LRRC56: variants seen among roughly 807,000 people sequenced by gnomAD.
The protein encoded by LRRC56 is leucine rich repeat containing 56.
A neutral mutation model predicts 47.8 loss-of-function variants in LRRC56; 41 were observed. That is an observed-to-expected ratio of 0.86 (90% CI 0.67 to 1.11). LRRC56 has a LOEUF of 1.11. Among genes scored for constraint, LRRC56 ranks in the 50% most tolerant of loss-of-function variants. The pLI, the probability that LRRC56 is intolerant of heterozygous loss-of-function variation, is 0.00. For missense variants in LRRC56, 759 were observed against 704.2 expected, an observed-to-expected ratio of 1.08 and a Z score of -0.88; for synonymous variants, 387 against 311.2, an observed-to-expected ratio of 1.24 and a Z score of -2.56.
intron 6 of LRRC56, among the ~76,000 whole-genome samples, chr11:548,262 C>G (rs1852188833): frequency 6.6e-6 from 1 of 152,172 alleles, no homozygotes; most frequent in Non-Finnish European, 1.5e-5. Context: ...AAAGTTGGAG[C>G]AGCCAAGAAA....
At chr11:527,077 A>G in the LRRC56 span, among the ~76,000 whole-genome samples, 2 of 152,140 alleles carry the variant, frequency 1.3e-5, no homozygotes, top group Admixed American at 1.3e-4. Flanking sequence ...CGAGGCGGGC[A>G]GATCATGAGG....
chr11:518,541 T>G, the LRRC56 span, among the ~76,000 whole-genome samples: 2 of 151,956 alleles, frequency 1.3e-5, no homozygotes, highest in Non-Finnish European at 2.9e-5. Flanking sequence ...GCCAGGCTGG[T>G]CTCCAACTCC....
the LRRC56 span, among the ~76,000 whole-genome samples, chr11:513,843 A>G: frequency 2.6e-5 from 4 of 151,298 alleles, no homozygotes; most frequent in African/African-American, 9.7e-5. Context: ...AAAAAGGAAG[A>G]AATTGCCACA....
At position 544,712 on chromosome 11, in the gene LRRC56, C is replaced by T. The variant is rs1241378162; in HGVS notation, c.266-8C>T. 6.2e-7 allele frequency: 1 copy of T among 1,612,598 alleles called. No homozygotes were observed. Among genetic ancestry groups the T allele is most frequent in the Non-Finnish European group, 8.5e-7 (1 of 1,179,882 alleles). On this transcript the variant is annotated splice_region_variant and splice_polypyrimidine_tract_variant and intron_variant, in intron 5 of 13. Transcript: ENST00000270115. ...CCGGGCCAACCTCCTCCTCCTGTGG[C>T]CATACAGGGGTGCACCTGCCCAACC...
chr11:551,688 C>G lies in LRRC56; in HGVS notation c.834C>G (p.Pro278=). 1 of 1,604,800 alleles carries G rather than the reference C, an allele frequency of 6.2e-7. No homozygotes were observed. The highest frequency in any genetic ancestry group is 8.5e-7 in the Non-Finnish European group (1 of 1,175,758). ...GAGCCCCCATCCGGAGACTTGACCCCGAGCTGTCCCTGCCTGAGACGCAGT... is the reference window on the plus strand; with the variant it reads ...GAGCCCCCATCCGGAGACTTGACCCGGAGCTGTCCCTGCCTGAGACGCAGT... ...PRGAPIRRLD[P]ELSLPETQSR... is the part of the protein sequence containing the mutation. The change falls in exon 10 of 14, where the codon CCC becomes CCG. Residue 278 remains proline, a synonymous_variant. Coordinates refer to ENST00000270115, the MANE Select transcript of LRRC56 (RefSeq NM_198075.4).
the LRRC56 span, among the ~76,000 whole-genome samples, chr11:513,419 G>A: frequency 2.0e-5 from 3 of 152,206 alleles, no homozygotes; most frequent in Non-Finnish European, 2.9e-5. Context: ...TCAGTGTCCC[G>A]AGGTGCTGGG....
At chr11:522,517 C>T in the LRRC56 span, among the ~76,000 whole-genome samples, 7 of 152,034 alleles carry the variant, frequency 4.6e-5, no homozygotes, top group East Asian at 3.9e-4. Flanking sequence ...TCGCCCACCT[C>T]GGCCTCCCAA....
In LRRC56 at chr11:542,815, T is replaced by C. The variant is rs185146687; in HGVS notation, c.265+1191T>C. ...GGACATTCCCTTAAATGCAGTGCGA[T>C]GGCCAAAGTCAGGAATTACACCTGT... On this transcript the variant is annotated intron_variant, in intron 5 of 13. Transcript: ENST00000270115. 9.2e-5 allele frequency among the ~76,000 whole-genome samples: 14 copies of C among 152,186 alleles called. No homozygotes were observed. In the East Asian group the frequency reaches 1.9e-3, roughly 21 times the overall value.
chr11:520,412 C>T, the LRRC56 span, among the ~76,000 whole-genome samples: 2 of 152,068 alleles, frequency 1.3e-5, no homozygotes, highest in African/African-American at 4.8e-5. Context: ...CCTCCGCCTC[C>T]CGGGTTCCAG....
upstream of LRRC56, chr11:537,068 C>T (rs999391296): frequency 2.0e-5 from 3 of 152,278 alleles, no homozygotes; most frequent in African/African-American, 7.2e-5. Flanking sequence ...TCCCCCGGTG[C>T]TTCCTTTTGC....
chr11:521,741 C>T, the LRRC56 span, among the ~76,000 whole-genome samples: 4 of 152,120 alleles, frequency 2.6e-5, no homozygotes, highest in African/African-American at 7.2e-5. Flanking sequence ...GATGAAACCC[C>T]GTCTCTACTA....
At chr11:531,748 A>G in the LRRC56 span, among the ~76,000 whole-genome samples, 1 of 152,202 alleles carries the variant, frequency 6.6e-6, no homozygotes, top group Non-Finnish European at 1.5e-5. Context: ...TCGGTGCTGG[A>G]GCCCTACTTC....
upstream of LRRC56, chr11:533,790 G>C (rs755322824): frequency 4.3e-6 from 7 of 1,613,354 alleles, no homozygotes; most frequent in South Asian, 1.1e-5. Context: ...GTCCTCAAAA[G>C]ACTTGGTGTT....
At chr11:526,414 A>G in the LRRC56 span, among the ~76,000 whole-genome samples, 127 of 152,230 alleles carry the variant, frequency 8.3e-4, 1 homozygote, top group African/African-American at 2.9e-3. Flanking sequence ...CCGGCTGAGA[A>G]GGCAAGGGGC....
the LRRC56 span, among the ~76,000 whole-genome samples, chr11:510,566 C>G: frequency 4.9e-3 from 743 of 151,742 alleles, 9 homozygotes; most frequent in African/African-American, 0.017. Context: ...GGAGAAACCC[C>G]GTCTCTACTA....
intron 5 of LRRC56, 22 bp from the exon 6 acceptor site, chr11:544,695 ACCT>A (rs750854073): frequency 6.6e-5 from 106 of 1,611,444 alleles, no homozygotes; most frequent in Non-Finnish European, 7.7e-5. Flanking sequence ...GGCCGGGCCA[ACCT>A]CCTCCTCCTG....
the LRRC56 span, among the ~76,000 whole-genome samples, chr11:521,220 C>T: frequency 6.6e-6 from 1 of 152,222 alleles, no homozygotes; most frequent in South Asian, 2.1e-4. Flanking sequence ...CTCCCTGTCC[C>T]CACCCTAGTC....
At chr11:552,270 G>A (rs1564808074) in intron 12 of LRRC56, 38 bp downstream of exon 12, 2 of 1,576,704 alleles carry the variant, frequency 1.3e-6, no homozygotes, top group Non-Finnish European at 1.7e-6. Flanking sequence ...GGTGTGTCCT[G>A]TCCCGTGGGG....
chr11:541,517 C>T lies in LRRC56; in HGVS notation c.178-20C>T, dbSNP rs777915863. ...TGGGGAGAGCCAGGACCAGCGCTGA[C>T]CCCCGGTTGGTTTCTACAGCAGGCC... is the stretch of plus-strand genomic sequence containing the variant. On this transcript the variant is annotated intron_variant, in intron 4 of 13. Transcript: ENST00000270115. The surrounding 1 kb of genome is among the most constrained non-coding windows in gnomAD (Gnocchi z 4.1). 1.3e-6 allele frequency: 2 copies of T among 1,486,920 alleles called. No homozygotes were observed. Among genetic ancestry groups the T allele is most frequent in the African/African-American group, 1.4e-5 (1 of 70,740 alleles). The allele number at this position is 1,486,920 out of a possible 1,614,324, so 92.1% of individuals were successfully genotyped here. A position where few individuals can be genotyped will look rare whatever the true frequency, so the allele number is the denominator to read the frequency against.
Sources: gnomAD v4.1 joint callset for allele counts (sites outside exome capture counted in the v4.1 genomes callset) on GRCh38, gnomAD v4.1.1 for gene constraint, Gnocchi (gnomAD v3.1) non-coding constraint, MANE v1.5 for transcripts, NCBI Gene and HGNC (gene_info 2026-07-23, HGNC 2026-07-21) for gene names.